APOA2: variants seen among roughly 807,000 people sequenced by gnomAD.
APOA2 encodes the protein apolipoprotein A-II.
A neutral mutation model predicts 7.4 loss-of-function variants in APOA2; 3 were observed. The ratio of observed to expected loss-of-function variants is 0.41; its 90% CI spans 0.18 to 1.05. The LOEUF is 1.05. Ranked by LOEUF, APOA2 falls within the 50% of genes least tolerant of loss-of-function variation. The pLI, the probability that APOA2 is intolerant of heterozygous loss-of-function variation, is 0.33. For synonymous variants in APOA2, 42 were observed against 47.8 expected (o/e 0.88, Z 0.50); for missense variants, 90 against 116.3 (o/e 0.77, Z 1.04).
Position 161,223,428 on chromosome 1 carries a change from A to G in APOA2, c.-24-3T>C. The G allele has an allele frequency of 1.2e-6, 2 of 1,609,264 alleles. No individual in the cohort carries two copies. The highest frequency in any genetic ancestry group is 2.2e-5 in the South Asian group (2 of 90,192). ...TTGGTAACAGTGGGGAGGGCGGCCT[A>G]GGAAGAGGGTGGTGGGGGTTTGGGG... is the stretch of plus-strand genomic sequence containing the variant. On this transcript the variant is annotated splice_region_variant and splice_polypyrimidine_tract_variant and intron_variant, in intron 1 of 3. Transcript: ENST00000367990.
intron 2 of APOA2, 58 bp from the exon 3 acceptor site, chr1:161,223,108 G>A: frequency 6.2e-7 from 1 of 1,605,732 alleles, no homozygotes; most frequent in Non-Finnish European, 8.5e-7. Context: ...TTTCAGCTGG[G>A]TCCACAGCAG....
In APOA2 at chr1:161,222,494, G is replaced by C; in HGVS notation, c.214C>G (p.Leu72Val). 1 of 1,614,210 alleles carries C rather than the reference G, an allele frequency of 6.2e-7. No individual in the cohort carries two copies. The highest frequency in any genetic ancestry group is 1.1e-5 in the South Asian group (1 of 91,082). The change falls in exon 4 of 4, where the codon CTG becomes GTG. Residue 72 changes from leucine to valine, a missense_variant. Coordinates refer to ENST00000367990, the MANE Select transcript of APOA2 (RefSeq NM_001643.2). ...KSYFEKSKEQ[L>V]TPLIKKAGTE... ...CCAGCCTTCTTGATCAGGGGTGTCAGCTGCTCCTTTGACTTTTCAAAGTAA... is the reference window on the plus strand; with the variant it reads ...CCAGCCTTCTTGATCAGGGGTGTCACCTGCTCCTTTGACTTTTCAAAGTAA...
Position 161,222,996 on chromosome 1 carries a change from TG to T in APOA2, c.106del (p.Gln36SerfsTer6). ...ATAGTCAGTCACGGTCTGGAAGTAC[TG>T]AGAAACCAGGCTCTCCACACATGGC... ...KEPCVESLVS[Q>X]YFQTVTDYGK... is the part of the protein sequence containing the mutation. On this transcript the variant is annotated frameshift_variant, in exon 3 of 4. Coordinates refer to ENST00000367990, the MANE Select transcript of APOA2 (RefSeq NM_001643.2). LOFTEE classifies it high-confidence loss of function. 6.2e-7 allele frequency: 1 copy of T among 1,613,902 alleles called. No individual in the cohort carries two copies. The highest frequency in any genetic ancestry group is 1.1e-5 in the South Asian group (1 of 91,076).
chr1:161,223,065 AC>A lies in APOA2; in HGVS notation c.53-16del, dbSNP rs763622340. ...AACCAAAGCTCCTGCCCACACACAC[AC>A]ACACACACACACACACACACACACA... is the stretch of plus-strand genomic sequence containing the variant. On this transcript the variant is annotated splice_polypyrimidine_tract_variant and intron_variant, in intron 2 of 3. Coordinates refer to ENST00000367990, the MANE Select transcript of APOA2 (RefSeq NM_001643.2). 1.1e-4 allele frequency: 68 copies of A among 592,422 alleles called. 1 individual carries two copies. The highest frequency in any genetic ancestry group is 1.5e-4 in the Non-Finnish European group (63 of 426,292). The allele number at this position is 592,422 out of a possible 1,614,324, so 36.7% of individuals were successfully genotyped here.
intron 2 of APOA2, 74 bp from the exon 3 acceptor site, chr1:161,223,124 C>A (rs1386405721): frequency 1.3e-6 from 2 of 1,599,550 alleles, no homozygotes; most frequent in East Asian, 2.3e-5. Flanking sequence ...AGCAGTGAAT[C>A]CTGGCCTCCT....
In APOA2 at chr1:161,222,330, G is replaced by T; in HGVS notation, c.*75C>A. ...CATTTATTGTAGCAAAGAGTGGGTA[G>T]GGACAGGAGCTCTAGGACTGGCCAG... On this transcript the variant is annotated 3_prime_UTR_variant, in exon 4 of 4. Transcript: ENST00000367990. The T allele has an allele frequency of 9.4e-7, 1 of 1,068,404 alleles. No individual in the cohort carries two copies. Among genetic ancestry groups the T allele is most frequent in the Non-Finnish European group, 1.4e-6 (1 of 690,532 alleles). 66.2% of individuals were successfully genotyped at this position (1,068,404 alleles called of 1,614,324 possible).
chr1:161,223,138 A>T, intron 2 of APOA2, 88 bp from the exon 3 acceptor site: 2 of 1,599,760 alleles, frequency 1.3e-6, no homozygotes, highest in Non-Finnish European at 1.7e-6. Context: ...GCCTCCTGCC[A>T]TACCTCTGCC....
In APOA2 at chr1:161,222,393, G is replaced by A; in HGVS notation, c.*12C>T. ...AGGCCAGCTGGGGTTGGAAGACAATGGTCTGGACACTTCACTGGGTGGCAG... is the reference window on the plus strand; with the variant it reads ...AGGCCAGCTGGGGTTGGAAGACAATAGTCTGGACACTTCACTGGGTGGCAG... On this transcript the variant is annotated 3_prime_UTR_variant, in exon 4 of 4. Coordinates refer to ENST00000367990, the MANE Select transcript of APOA2 (RefSeq NM_001643.2). 1 of 1,610,124 alleles carries A rather than the reference G, an allele frequency of 6.2e-7. No individual in the cohort carries two copies. The highest frequency in any genetic ancestry group is 8.5e-7 in the Non-Finnish European group (1 of 1,176,322).
In APOA2 at chr1:161,223,371, G is replaced by A. The variant is rs745709083; in HGVS notation, c.31C>T (p.Leu11Phe). Reference sequence around the variant, plus strand: ...CCACCTTCAAGGCTGCAGATGGTGAGGAGTAGCACAGTTGCTGCGAGCAGC... The same window carrying A: ...CCACCTTCAAGGCTGCAGATGGTGAAGAGTAGCACAGTTGCTGCGAGCAGC... Reference protein sequence around the residue: MKLLAATVLLLTICSLEGALV... With the variant: MKLLAATVLLFTICSLEGALV... The change falls in exon 2 of 4, where the codon CTC becomes TTC. Residue 11 changes from leucine to phenylalanine, a missense_variant. Physicochemically the swap from Leu to Phe is conservative, Grantham distance 22 (BLOSUM62 0). Coordinates refer to ENST00000367990, the MANE Select transcript of APOA2 (RefSeq NM_001643.2). 1.1e-5 allele frequency: 18 copies of A among 1,614,030 alleles called. No individual in the cohort carries two copies. The South Asian group carries it at 1.9e-4, about 17-fold the overall frequency.
At chr1:161,223,177 C>T (rs1666203952) in intron 2 of APOA2, 127 bp from the exon 3 acceptor site, 3 of 1,565,824 alleles carry the variant, frequency 1.9e-6, no homozygotes, top group Non-Finnish European at 2.6e-6. Context: ...CTGCCCCCTC[C>T]CCAAAAAGGT....
intron 2 of APOA2, 53 bp downstream of exon 2, chr1:161,223,297 C>T (rs1666205943): frequency 1.2e-6 from 2 of 1,607,002 alleles, no homozygotes; most frequent in Non-Finnish European, 1.7e-6. Flanking sequence ...AGATAGGTAG[C>T]TATAACCACC....
intron 3 of APOA2, 119 bp downstream of exon 3, chr1:161,222,795 TGCAA>T: frequency 1.4e-6 from 2 of 1,423,186 alleles, no homozygotes; most frequent in Admixed American, 1.8e-5. Flanking sequence ...ACTTTTTCTC[TGCAA>T]TTTAAGCCTA....
At position 161,222,561 on chromosome 1, in the gene APOA2, C is replaced by A. The variant is rs765054986; in HGVS notation, c.186-39G>T. ...GGGATTAGAGTTTAATCTGAGGGAC[C>A]CTAGGCACTGGCAGGGGCCTTGGTG... On this transcript the variant is annotated intron_variant, in intron 3 of 3. Coordinates refer to ENST00000367990, the MANE Select transcript of APOA2 (RefSeq NM_001643.2). 2.6e-6 allele frequency: 4 copies of A among 1,568,124 alleles called. No individual in the cohort carries two copies. The Admixed American group carries it at 5.0e-5, about 20-fold the overall frequency.
At position 161,223,080 on chromosome 1, in the gene APOA2, C is replaced by G. The variant is rs761729753; in HGVS notation, c.53-30G>C. On this transcript the variant is annotated intron_variant, in intron 2 of 3. Coordinates refer to ENST00000367990, the MANE Select transcript of APOA2 (RefSeq NM_001643.2). ...CCACACACACACACACACACACACA[C>G]ACACACACACACACTCTTTTCAGCT... 10 of 1,608,274 alleles carry G rather than the reference C, an allele frequency of 6.2e-6. No individual in the cohort carries two copies. In the South Asian group the frequency reaches 1.1e-4, roughly 18 times the overall value.
intron 1 of APOA2, 63 bp from the exon 2 acceptor site, chr1:161,223,488 A>G (rs1312350274): frequency 3.6e-6 from 5 of 1,374,450 alleles, no homozygotes; most frequent in Non-Finnish European, 5.1e-6. Flanking sequence ...GCTCCTCCCC[A>G]GGGATCTCCC....
In APOA2 at chr1:161,222,412, G is replaced by A. The variant is rs1195424854; in HGVS notation, c.296C>T (p.Thr99Ile). The A allele has an allele frequency of 4.3e-6, 7 of 1,613,926 alleles. No individual in the cohort carries two copies. In the African/African-American group the frequency reaches 8.0e-5, roughly 18 times the overall value. ...GACAATGGTCTGGACACTTCACTGG[G>A]TGGCAGGCTGTGTTCCAAGTTCCAC... ...YFVELGTQPA[T>I]Q Residue 99 changes from threonine to isoleucine, a missense_variant, in exon 4 of 4, where the codon ACC (threonine) becomes ATC (isoleucine). Transcript: ENST00000367990.
intron 1 of APOA2, 78 bp downstream of exon 1, chr1:161,223,517 A>T: frequency 9.5e-7 from 1 of 1,053,214 alleles, no homozygotes; most frequent in East Asian, 2.6e-5. Flanking sequence ...GCCCATTCCA[A>T]CCTGGCTCTC....
At position 161,222,387 on chromosome 1, in the gene APOA2, G is replaced by A. The variant is rs745396210; in HGVS notation, c.*18C>T. The A allele has an allele frequency of 1.2e-6, 2 of 1,606,594 alleles. No homozygotes were observed. The highest frequency in any genetic ancestry group is 1.1e-5 in the South Asian group (1 of 90,944). The stretch of plus-strand genomic sequence containing the variant: ...TTCTAGAGGCCAGCTGGGGTTGGAA[G>A]ACAATGGTCTGGACACTTCACTGGG... On this transcript the variant is annotated 3_prime_UTR_variant, in exon 4 of 4. Coordinates refer to ENST00000367990, the MANE Select transcript of APOA2 (RefSeq NM_001643.2).
intron 3 of APOA2, 152 bp downstream of exon 3, chr1:161,222,766 G>A: frequency 3.4e-6 from 4 of 1,171,408 alleles, no homozygotes; most frequent in Non-Finnish European, 5.0e-6. Context: ...AGACGTGTGG[G>A]ATCTTTGGGT....
Sources: gnomAD v4.1 joint callset for allele counts on GRCh38, gnomAD v4.1.1 for gene constraint, MANE v1.5 for transcripts, NCBI Gene and HGNC (gene_info 2026-07-23, HGNC 2026-07-21) for gene names.